Variants in NUP88 observed in about 807,000 individuals in gnomAD.
NUP88 encodes the protein nucleoporin 88, also known as nuclear pore complex protein Nup88.
Under a neutral mutation model 93.9 loss-of-function variants are expected in NUP88, and 57 were observed. That is an observed-to-expected ratio of 0.61 (90% CI 0.49 to 0.76). The LOEUF (loss-of-function observed/expected upper bound fraction) is 0.76. Ranked by LOEUF, NUP88 falls within the 30% of genes least tolerant of loss-of-function variation. The probability of loss-of-function intolerance (pLI) is 0.00; values close to 1 mark genes in which losing one functional copy is unlikely to be tolerated. For synonymous variants in NUP88, 346 were observed against 336.8 expected (o/e 1.03, Z -0.30); for missense variants, 911 against 901.0 (o/e 1.01, Z -0.14).
chr17:5,408,660 A>T (rs1913639317), intron 5 of NUP88, 73 bp downstream of exon 5: 1 of 1,155,470 alleles, frequency 8.7e-7, no homozygotes, highest in Non-Finnish European at 1.2e-6. Context: ...ATGGCTCCCA[A>T]GTCCAGCCTC....
At position 5,419,423 on chromosome 17, in the gene NUP88, G is replaced by A. The variant is rs1002329249; in HGVS notation, c.228C>T (p.Ser76=). ...GELFLWDGED[S]SFLVVRLRGP... is the part of the protein sequence containing the mutation. ...CCCGAAGGCGAACGACTAAGAAGGA[G>A]CTGTCTTCTCCGTCCCACAGGAAAA... Residue 76 remains serine (S), a synonymous_variant, in exon 1 of 17, where the codon AGC becomes AGT. Coordinates refer to ENST00000573584, the MANE Select transcript of NUP88 (RefSeq NM_002532.6). 3.7e-6 allele frequency: 6 copies of A among 1,613,560 alleles called. No homozygotes were observed. The highest frequency in any genetic ancestry group is 3.3e-5 in the Admixed American group (2 of 59,994).
intron 16 of NUP88, 91 bp from the exon 17 acceptor site, chr17:5,386,360 T>A: frequency 2.1e-6 from 2 of 960,972 alleles, no homozygotes; most frequent in Non-Finnish European, 3.2e-6. Flanking sequence ...TTGAAACATC[T>A]AAGAACTGCT....
chr17:5,387,044 C>A lies in NUP88; in HGVS notation c.1983G>T (p.Met661Ile). 6.2e-7 allele frequency: 1 copy of A among 1,614,112 alleles called. No individual in the cohort carries two copies. Among genetic ancestry groups the A allele is most frequent in the Non-Finnish European group, 8.5e-7 (1 of 1,179,982 alleles). Residue 661 changes from methionine (M) to isoleucine (I), a missense_variant, in exon 15 of 17, where the codon ATG becomes ATT. By Grantham distance (10) the Met-to-Ile change is conservative. Transcript: ENST00000573584. ...LPVLSDSERD[M>I]KKELQLIPDQ... ...CAGGTATCAGCTGTAATTCTTTCTT[C>A]ATGTCTCGCTCACTATCAGAGAGAA...
chr17:5,398,941 T>A, intron 8 of NUP88, among the ~76,000 whole-genome samples: 1 of 145,146 alleles, frequency 6.9e-6, no homozygotes, highest in South Asian at 2.2e-4. Context: ...CAGGCTGGAG[T>A]GCAGTGGCGT....
In NUP88 at chr17:5,387,581, ATTC is replaced by A. The variant is rs757973120; in HGVS notation, c.1835+21_1835+23del. 46 of 1,605,902 alleles carry A rather than the reference ATTC, an allele frequency of 2.9e-5. 1 individual carries two copies. The highest frequency in any genetic ancestry group is 2.2e-4 in the East Asian group (10 of 44,866). The stretch of plus-strand genomic sequence containing the variant: ...GGTTCCAGTCTTACTGACCTATTGT[ATTC>A]TTCTTATTTTTGACACTTACCTCTC... On this transcript the variant is annotated intron_variant, in intron 13 of 16. Transcript: ENST00000573584.
chr17:5,390,280 G>C (rs1427994009), intron 10 of NUP88, among the ~76,000 whole-genome samples: 2 of 152,102 alleles, frequency 1.3e-5, no homozygotes. Context: ...TGTACTGTGG[G>C]TGTTTAAAAA....
In NUP88 at chr17:5,419,432, T is replaced by A. The variant is rs1397648534; in HGVS notation, c.219A>T (p.Gly73=). 6.2e-7 allele frequency: 1 copy of A among 1,613,736 alleles called. No homozygotes were observed. The highest frequency in any genetic ancestry group is 1.3e-5 in the African/African-American group (1 of 74,920). Residue 73 remains glycine (G), a synonymous_variant, in exon 1 of 17, where the codon GGA becomes GGT. Coordinates refer to ENST00000573584, the MANE Select transcript of NUP88 (RefSeq NM_002532.6). ...GAACGACTAAGAAGGAGCTGTCTTCTCCGTCCCACAGGAAAAGCTCTCCGC... is the reference window on the plus strand; with the variant it reads ...GAACGACTAAGAAGGAGCTGTCTTCACCGTCCCACAGGAAAAGCTCTCCGC... ...GLGGELFLWD[G]EDSSFLVVRL... is the part of the protein sequence containing the mutation.
At position 5,399,626 on chromosome 17, in the gene NUP88, T is replaced by C; in HGVS notation, c.1217A>G (p.His406Arg). The C allele has an allele frequency of 6.2e-7, 1 of 1,603,096 alleles. No individual in the cohort carries two copies. Among genetic ancestry groups the C allele is most frequent in the Non-Finnish European group, 8.5e-7 (1 of 1,171,756 alleles). The change falls in exon 8 of 17, where the codon CAC (histidine) becomes CGC (arginine). Residue 406 changes from histidine to arginine, a missense_variant. Transcript: ENST00000573584. ...ATGTACACCAGCTTCATGAGTACAGTGATATCTTGAAGGACACTTGGGATC... is the reference window on the plus strand; with the variant it reads ...ATGTACACCAGCTTCATGAGTACAGCGATATCTTGAAGGACACTTGGGATC... ...HRDPKCPSRY[H>R]CTHEAGVHSV...
intron 9 of NUP88, among the ~76,000 whole-genome samples, chr17:5,394,278 A>G (rs1165671990): frequency 6.6e-6 from 1 of 152,212 alleles, no homozygotes; most frequent in Non-Finnish European, 1.5e-5. Flanking sequence ...AGCAGTGAGT[A>G]GAGGCAGAGG....
chr17:5,406,816 G>A (rs557136927), intron 5 of NUP88, among the ~76,000 whole-genome samples: 1 of 152,164 alleles, frequency 6.6e-6, no homozygotes, highest in South Asian at 2.1e-4. Flanking sequence ...AATGTTCTAA[G>A]AAAGTTTACA....
At position 5,387,044 on chromosome 17, in the gene NUP88, C is replaced by T. The variant is rs748102590; in HGVS notation, c.1983G>A (p.Met661Ile). ...LPVLSDSERD[M>I]KKELQLIPDQ... ...CAGGTATCAGCTGTAATTCTTTCTT[C>T]ATGTCTCGCTCACTATCAGAGAGAA... Residue 661 changes from methionine to isoleucine, a missense_variant, in exon 15 of 17, where the codon ATG becomes ATA. Physicochemically the swap from Met to Ile is conservative, Grantham distance 10. Coordinates refer to ENST00000573584, the MANE Select transcript of NUP88 (RefSeq NM_002532.6). 2 of 1,614,112 alleles carry T rather than the reference C, an allele frequency of 1.2e-6. No homozygotes were observed. The highest frequency in any genetic ancestry group is 2.2e-5 in the East Asian group (1 of 44,878).
At chr17:5,390,572 G>A (rs1428556226) in intron 10 of NUP88, among the ~76,000 whole-genome samples, 1 of 152,058 alleles carries the variant, frequency 6.6e-6, no homozygotes, top group East Asian at 1.9e-4. Context: ...AGTGACTTTT[G>A]TTTTTGGTAC....
intron 10 of NUP88, 120 bp from the exon 11 acceptor site, chr17:5,389,080 AGT>A: frequency 1.3e-6 from 1 of 757,318 alleles, no homozygotes; most frequent in Non-Finnish European, 2.0e-6. Context: ...CTTTTGTAAA[AGT>A]GCAAGAATGC....
chr17:5,391,596 G>A lies in NUP88; in HGVS notation c.1449C>T (p.Ile483=), dbSNP rs1433518463. The change falls in exon 10 of 17, where the codon ATC becomes ATT. Residue 483 remains isoleucine, a synonymous_variant. Coordinates refer to ENST00000573584, the MANE Select transcript of NUP88 (RefSeq NM_002532.6). The part of the protein sequence containing the change: ...PDILGPTMIC[I]TSTYECLIWP... ...ATATGAGGCATTCATAGGTACTGGT[G>A]ATGCAGATCATCGTGGGTCCCAGAA... 1.2e-6 allele frequency: 2 copies of A among 1,613,936 alleles called. No homozygotes were observed. Among genetic ancestry groups the A allele is most frequent in the Middle Eastern group, 1.6e-4 (1 of 6,080 alleles).
rs775211031 is a variant in NUP88 at position 5,387,097 on chromosome 17, G to A, written c.1930C>T (p.Leu644Phe). Residue 644 changes from leucine (L) to phenylalanine (F), a missense_variant, in exon 15 of 17, where the codon CTT (leucine) becomes TTT (phenylalanine). Transcript: ENST00000573584. ...EDIMNRMKKLLHSFHSELPVL... is the reference protein window; with the variant it reads ...EDIMNRMKKLFHSFHSELPVL... ...GGGAGCTCAGAGTGAAAACTGTGAA[G>A]TAGTTTTTTCATCCTTTAGAAAAGG... 32 of 1,613,316 alleles carry A rather than the reference G, an allele frequency of 2.0e-5. No individual in the cohort carries two copies. The East Asian group carries it at 7.1e-4, about 36-fold the overall frequency.
intron 15 of NUP88, 79 bp from the exon 16 acceptor site, chr17:5,386,905 T>C: frequency 1.9e-6 from 3 of 1,593,328 alleles, no homozygotes; most frequent in Non-Finnish European, 2.6e-6. Flanking sequence ...CTGTTCTTTT[T>C]ACATTTTTGT....
intron 9 of NUP88, among the ~76,000 whole-genome samples, chr17:5,393,588 C>T (rs1470259360): frequency 6.6e-6 from 1 of 151,918 alleles, no homozygotes; most frequent in African/African-American, 2.4e-5. Flanking sequence ...AGGTGTCTGC[C>T]ACCATGCCTG....
chr17:5,416,173 A>G (rs1426468667), intron 2 of NUP88, among the ~76,000 whole-genome samples: 1 of 121,786 alleles, frequency 8.2e-6, no homozygotes, highest in African/African-American at 2.8e-5. Context: ...AAAAGTATAT[A>G]TATATATACA....
In NUP88 at chr17:5,416,642, T is replaced by C; in HGVS notation, c.338A>G (p.Gln113Arg). 6.2e-7 allele frequency: 1 copy of C among 1,610,616 alleles called. No individual in the cohort carries two copies. Among genetic ancestry groups the C allele is most frequent in the Non-Finnish European group, 8.5e-7 (1 of 1,179,082 alleles). ...ATGTTGTGTTGGGCTTAACAAGACT[T>C]GATAGATTTCAAACAGGGGTGGATT... Reference protein sequence around the residue: ...CINPPLFEIYQVLLSPTQHHV... With the variant: ...CINPPLFEIYRVLLSPTQHHV... Residue 113 changes from glutamine (Q) to arginine (R), a missense_variant, in exon 2 of 17, where the codon CAA becomes CGA. Physicochemically the swap from Gln to Arg is conservative, Grantham distance 43. Coordinates refer to ENST00000573584, the MANE Select transcript of NUP88 (RefSeq NM_002532.6).
Sources: gnomAD v4.1 joint callset for allele counts (sites outside exome capture counted in the v4.1 genomes callset) on GRCh38, gnomAD v4.1.1 for gene constraint, MANE v1.5 for transcripts, NCBI Gene and HGNC (gene_info 2026-07-23, HGNC 2026-07-21) for gene names.